The following ANK2 variants were observed in gnomAD, a reference collection of about 807,000 sequenced individuals.
ANK2 encodes the protein ankyrin 2.
Under a neutral mutation model 360.5 loss-of-function variants are expected in ANK2, and 83 were observed. The observed-to-expected ratio is 0.23, with a 90% CI of 0.19 to 0.28. The LOEUF (loss-of-function observed/expected upper bound fraction) is 0.28. Among genes scored for constraint, ANK2 ranks in the 10% least tolerant of loss-of-function variants. ANK2 has a pLI of 1.00. For missense variants in ANK2, 4,201 were observed against 4,795.7 expected (o/e 0.88, Z 3.66); for synonymous variants, 1,740 against 1,759.5 (o/e 0.99, Z 0.28).
chr4:113,135,747 T>C (rs2096368896), intron 1 of ANK2, among the ~76,000 whole-genome samples: 2 of 152,192 alleles, frequency 1.3e-5, no homozygotes, highest in Admixed American at 1.3e-4. Context: ...TTTGTGGCCA[T>C]TGGCATTTTT....
At chr4:113,117,103 G>T in intron 1 of ANK2, 1 of 363,790 alleles carries the variant, frequency 2.7e-6, no homozygotes, top group South Asian at 2.1e-5. Flanking sequence ...AGTTGTGGGT[G>T]CTGCAGAGGC....
intron 2 of ANK2, among the ~76,000 whole-genome samples, chr4:112,970,729 A>T (rs1457269961): frequency 6.6e-6 from 1 of 152,200 alleles, no homozygotes; most frequent in Non-Finnish European, 1.5e-5. Context: ...GGTCAAAAGT[A>T]CAAAATTTCA....
At chr4:112,924,203 A>G (rs2092148232) in intron 2 of ANK2, among the ~76,000 whole-genome samples, 1 of 152,012 alleles carries the variant, frequency 6.6e-6, no homozygotes, top group Non-Finnish European at 1.5e-5. Flanking sequence ...CCCTGTCTCT[A>G]CTAAAAATAC....
At chr4:113,301,459 A>G (rs1276933487) in intron 22 of ANK2, among the ~76,000 whole-genome samples, 1 of 152,038 alleles carries the variant, frequency 6.6e-6, no homozygotes, top group East Asian at 1.9e-4. Context: ...TATTACCTCC[A>G]CATACATATC....
chr4:112,940,660 C>A (rs2094138505), intron 2 of ANK2, among the ~76,000 whole-genome samples: 1 of 152,112 alleles, frequency 6.6e-6, no homozygotes, highest in Admixed American at 6.5e-5. Context: ...ATTTAGCATA[C>A]AAACCTCTGA....
Position 113,319,189 on chromosome 4 carries a change from A to G in ANK2, c.2900+569A>G, listed in dbSNP as rs1034358817. 2.0e-5 allele frequency among the ~76,000 whole-genome samples: 3 copies of G among 152,276 alleles called. No homozygotes were observed. The East Asian group carries it at 5.8e-4, about 29-fold the overall frequency. ...TTAAAGTCATTCAGAGAGTATACAC[A>G]CCACTGTTGAAGCAATGCTGCCTGT... is the stretch of plus-strand genomic sequence containing the variant. On this transcript the variant is annotated intron_variant, in intron 26 of 45. Transcript: ENST00000357077.
At chr4:113,126,603 GAAT>G (rs1382821180) in intron 1 of ANK2, among the ~76,000 whole-genome samples, 2 of 152,150 alleles carry the variant, frequency 1.3e-5, no homozygotes, top group African/African-American at 4.8e-5. Context: ...CGAGGGACAG[GAAT>G]CAAAGCCTGG....
chr4:112,934,375 C>T (rs2093547297), intron 2 of ANK2, among the ~76,000 whole-genome samples: 1 of 152,208 alleles, frequency 6.6e-6, no homozygotes, highest in Non-Finnish European at 1.5e-5. Flanking sequence ...TCTGTGGCTT[C>T]ATGAGTCCCT....
intron 1 of ANK2, among the ~76,000 whole-genome samples, chr4:113,062,479 A>G (rs894538235): frequency 3.3e-5 from 5 of 152,108 alleles, no homozygotes; most frequent in Non-Finnish European, 4.4e-5. Flanking sequence ...AGCTCTTTGT[A>G]TATTTCTGTA....
intron 34 of ANK2, among the ~76,000 whole-genome samples, chr4:113,344,089 A>G (rs755317428): frequency 3.9e-5 from 6 of 152,216 alleles, no homozygotes; most frequent in Admixed American, 6.5e-5. Flanking sequence ...GACTGATGAT[A>G]GATTCTTACA....
At chr4:113,242,068 C>T (rs1173764307) in intron 8 of ANK2, 43 bp from the exon 9 acceptor site, 1 of 1,521,274 alleles carries the variant, frequency 6.6e-7, no homozygotes, top group Admixed American at 1.7e-5. Context: ...CCATCATGCC[C>T]TGTCATACCC....
intron 2 of ANK2, among the ~76,000 whole-genome samples, chr4:113,030,887 T>A (rs1248317916): frequency 2.6e-5 from 4 of 152,072 alleles, no homozygotes. Context: ...GAAAAGATTT[T>A]TAAGTGAGGG....
At chr4:112,975,824 A>C (rs1395896157) in intron 2 of ANK2, among the ~76,000 whole-genome samples, 1 of 152,148 alleles carries the variant, frequency 6.6e-6, no homozygotes, top group Admixed American at 6.5e-5. Flanking sequence ...ATTAGATTAG[A>C]GCTCCAGTTC....
chr4:113,005,991 G>A (rs1401217242), intron 2 of ANK2, among the ~76,000 whole-genome samples: 1 of 152,148 alleles, frequency 6.6e-6, no homozygotes, highest in Non-Finnish European at 1.5e-5. Context: ...GCAGATGCCA[G>A]CACCATGCCT....
At chr4:112,719,621 G>A in the ANK2 span, among the ~76,000 whole-genome samples, 14 of 151,768 alleles carry the variant, frequency 9.2e-5, no homozygotes, top group Non-Finnish European at 1.9e-4. Context: ...CAAGCTACTC[G>A]GGAGGCTGAG....
chr4:113,249,913 A>G (rs1361468222), intron 10 of ANK2, 51 bp downstream of exon 10: 1 of 1,481,716 alleles, frequency 6.7e-7, no homozygotes. Flanking sequence ...AAGTTACTTG[A>G]TGTATTATCT....
At chr4:112,973,572 G>C (rs188681811) in intron 2 of ANK2, among the ~76,000 whole-genome samples, 2 of 152,300 alleles carry the variant, frequency 1.3e-5, no homozygotes, top group East Asian at 3.9e-4. Context: ...TAGAGAGCTG[G>C]TAAGTGTTTT....
chr4:112,816,716 T>G (rs1267343371), upstream of ANK2, among the ~76,000 whole-genome samples: 4 of 152,200 alleles, frequency 2.6e-5, no homozygotes, highest in Non-Finnish European at 5.9e-5. Context: ...TTTTTCTACT[T>G]AAGAAGTGTC....
chr4:113,060,269 T>C (rs1156889990), intron 1 of ANK2, among the ~76,000 whole-genome samples: 2 of 152,152 alleles, frequency 1.3e-5, no homozygotes, highest in African/African-American at 4.8e-5. Context: ...GTTCATCCCA[T>C]TGGAATTGCA....
Sources: gnomAD v4.1 joint callset for allele counts (sites outside exome capture counted in the v4.1 genomes callset) on GRCh38, gnomAD v4.1.1 for gene constraint, MANE v1.5 for transcripts, NCBI Gene and HGNC (gene_info 2026-07-23, HGNC 2026-07-21) for gene names.